The following DAB1 variants were observed in gnomAD, a reference collection of about 807,000 sequenced individuals.
DAB1 encodes the protein DAB adaptor protein 1.
A neutral mutation model predicts 64.6 loss-of-function variants in DAB1; 15 were observed. That is an observed-to-expected ratio of 0.23 (90% CI 0.16 to 0.36). The LOEUF is 0.36. Among genes scored for constraint, DAB1 ranks in the 10% least tolerant of loss-of-function variants. The probability of loss-of-function intolerance (pLI) is 1.00; values close to 1 mark genes in which losing one functional copy is unlikely to be tolerated. For synonymous variants in DAB1, 235 were observed against 251.9 expected, an observed-to-expected ratio of 0.93 and a Z score of 0.64; for missense variants, 596 against 706.7, an observed-to-expected ratio of 0.84 and a Z score of 1.78.
At chr1:57,636,104 A>AC (rs1646051150) in intron 7 of DAB1, among the ~76,000 whole-genome samples, 1 of 149,710 alleles carries the variant, frequency 6.7e-6, no homozygotes, top group Non-Finnish European at 1.5e-5. Context: ...CTCAAAAAAA[A>AC]AAAAAAAAAC....
chr1:57,436,047 G>T (rs1191340714), intron 7 of DAB1, among the ~76,000 whole-genome samples: 1 of 151,462 alleles, frequency 6.6e-6, no homozygotes, highest in Non-Finnish European at 1.5e-5. Context: ...CTCCTGAGTA[G>T]CTGGGACTAC....
intron 3 of DAB1, chr1:58,473,817 G>C (rs551900652): frequency 1.7e-6 from 1 of 573,546 alleles, no homozygotes; most frequent in East Asian, 6.7e-5. Flanking sequence ...TCTGAGCACC[G>C]CCAAGCACAC....
intron 3 of DAB1, among the ~76,000 whole-genome samples, chr1:58,357,283 A>T (rs1285083421): frequency 6.6e-6 from 1 of 152,168 alleles, no homozygotes. Context: ...ATAGAGTCAG[A>T]GGAATAATGC....
intron 7 of DAB1, among the ~76,000 whole-genome samples, chr1:57,586,857 G>A (rs1558518160): frequency 6.6e-6 from 1 of 150,462 alleles, no homozygotes. Context: ...GGCCATTTCT[G>A]TAAAAATCAA....
At chr1:58,442,549 T>C (rs955854386) in intron 3 of DAB1, among the ~76,000 whole-genome samples, 3 of 152,212 alleles carry the variant, frequency 2.0e-5, no homozygotes, top group Non-Finnish European at 4.4e-5. Flanking sequence ...AGGACCTCCC[T>C]TTGATGTCAA....
At chr1:58,250,953 CT>C (rs1660778472) in intron 4 of DAB1, among the ~76,000 whole-genome samples, 1 of 152,182 alleles carries the variant, frequency 6.6e-6, no homozygotes, top group African/African-American at 2.4e-5. Flanking sequence ...ACATAAACCC[CT>C]GAGACATGTT....
intron 11 of DAB1, among the ~76,000 whole-genome samples, chr1:57,022,492 C>T (rs1207863692): frequency 3.3e-5 from 5 of 152,224 alleles, no homozygotes; most frequent in Admixed American, 3.3e-4. Context: ...GGGTTACCAA[C>T]CTCTATTGCT....
intron 2 of DAB1, among the ~76,000 whole-genome samples, chr1:57,161,382 T>C (rs1660731186): frequency 6.6e-6 from 1 of 152,126 alleles, no homozygotes; most frequent in Non-Finnish European, 1.5e-5. Context: ...CTGTTGCGTG[T>C]TTGCCAGCCA....
chr1:57,033,366 C>G, intron 9 of DAB1: 2 of 1,612,596 alleles, frequency 1.2e-6, no homozygotes, highest in Non-Finnish European at 1.7e-6. Context: ...CCTAATTTAA[C>G]ACAAACCTCA....
At chr1:57,955,353 G>A (rs1017540120) in intron 5 of DAB1, among the ~76,000 whole-genome samples, 6 of 152,144 alleles carry the variant, frequency 3.9e-5, no homozygotes, top group South Asian at 2.1e-4. Context: ...AGAAGGACAC[G>A]TAGCTGAGGG....
intron 2 of DAB1, among the ~76,000 whole-genome samples, chr1:57,272,639 A>C (rs1013289539): frequency 3.9e-5 from 6 of 152,220 alleles, no homozygotes; most frequent in Admixed American, 3.3e-4. Context: ...TAGCTTAATA[A>C]ATAAATGGCA....
chr1:57,727,318 T>C (rs1377525220), intron 6 of DAB1, among the ~76,000 whole-genome samples: 1 of 152,236 alleles, frequency 6.6e-6, no homozygotes, highest in East Asian at 1.9e-4. Context: ...CCATAATTGA[T>C]GTGTTAAAGC....
chr1:58,055,690 A>G (rs912828925), intron 5 of DAB1, among the ~76,000 whole-genome samples: 5 of 152,156 alleles, frequency 3.3e-5, no homozygotes, highest in African/African-American at 1.2e-4. Flanking sequence ...TATTAGTACT[A>G]TAGGGAATGA....
chr1:58,057,496 T>A (rs12408483), intron 5 of DAB1, among the ~76,000 whole-genome samples: 3,391 of 152,252 alleles, frequency 0.022, 76 homozygotes, highest in Middle Eastern at 0.045. Context: ...ATAACTGTTG[T>A]CTTTATAAGA....
chr1:58,222,732 T>C (rs1385801069), intron 4 of DAB1, among the ~76,000 whole-genome samples: 1 of 152,204 alleles, frequency 6.6e-6, no homozygotes, highest in Non-Finnish European at 1.5e-5. Context: ...TTCCAGTTCT[T>C]TCATACAAGT....
chr1:57,778,123 A>G (rs577450239), intron 6 of DAB1, among the ~76,000 whole-genome samples: 3 of 152,112 alleles, frequency 2.0e-5, no homozygotes, highest in African/African-American at 4.8e-5. Context: ...GTTGTTCTTT[A>G]ATCAGCTAAG....
At chr1:57,144,371 A>C (rs980616327) in intron 3 of DAB1, among the ~76,000 whole-genome samples, 4 of 152,112 alleles carry the variant, frequency 2.6e-5, no homozygotes, top group African/African-American at 9.7e-5. Context: ...AGGATGTTTA[A>C]TAAAATAATT....
chr1:58,450,526 G>A lies in DAB1; in HGVS notation n.257+55534C>T, dbSNP rs1054230055. On this transcript the variant is annotated intron_variant and non_coding_transcript_variant, in intron 3 of 20. Transcript: ENST00000485760. ...TCCCAGCACTTTGGGAGGCCGAGGC[G>A]GGCGGATCACAAGGTCAGGTGATCG... 1.6e-4 allele frequency among the ~76,000 whole-genome samples: 24 copies of A among 152,230 alleles called. 1 individual carries two copies. The highest frequency in any genetic ancestry group is 1.5e-3 in the Admixed American group (23 of 15,296).
At chr1:57,096,752 T>C (rs1654204500) in intron 4 of DAB1, among the ~76,000 whole-genome samples, 2 of 152,254 alleles carry the variant, frequency 1.3e-5, no homozygotes, top group East Asian at 3.8e-4. Flanking sequence ...TCCTTATTTA[T>C]TGTCTTGCCT....
Sources: gnomAD v4.1 joint callset for allele counts (sites outside exome capture counted in the v4.1 genomes callset) on GRCh38, gnomAD v4.1.1 for gene constraint, MANE v1.5 for transcripts, NCBI Gene and HGNC (gene_info 2026-07-23, HGNC 2026-07-21) for gene names.